HEATR5A: variants seen among roughly 807,000 people sequenced by gnomAD.
The protein encoded by HEATR5A is HEAT repeat containing 5A.
Under a neutral mutation model 218.8 loss-of-function variants are expected in HEATR5A, and 178 were observed. That is an observed-to-expected ratio of 0.81 (90% CI 0.72 to 0.92). The LOEUF (loss-of-function observed/expected upper bound fraction) is 0.92, where lower values mean the gene tolerates loss of function less well. Among genes scored for constraint, HEATR5A ranks in the 40% least tolerant of loss-of-function variants. The pLI, the probability that HEATR5A is intolerant of heterozygous loss-of-function variation, is 0.00. For missense variants in HEATR5A, 2,420 were observed against 2,418.9 expected (o/e 1.00, Z -0.01); for synonymous variants, 864 against 871.6 (o/e 0.99, Z 0.15).
Position 31,350,683 on chromosome 14 carries a change from T to C in HEATR5A, c.2446A>G (p.Lys816Glu), listed in dbSNP as rs898860452. Residue 816 changes from lysine to glutamate, a missense_variant, in exon 17 of 36, where the codon AAG becomes GAG. Lys to Glu is a moderately conservative substitution (Grantham distance 56, BLOSUM62 1). Transcript: ENST00000543095. ...LILEQLLDSI[K>E]HTKGARQQVV... ...TGCTGACGAGCTCCTTTTGTGTGCTTTATACTGTCCAAAAGCTGTTCCAAT... is the reference window on the plus strand; with the variant it reads ...TGCTGACGAGCTCCTTTTGTGTGCTCTATACTGTCCAAAAGCTGTTCCAAT... 1 of 1,599,034 alleles carries C rather than the reference T, an allele frequency of 6.3e-7. No homozygotes were observed. Among genetic ancestry groups the C allele is most frequent in the East Asian group, 2.2e-5 (1 of 44,752 alleles).
At chr14:31,383,807 G>T in intron 9 of HEATR5A, 36 bp from the exon 10 acceptor site, 1 of 1,573,918 alleles carries the variant, frequency 6.4e-7, no homozygotes, top group African/African-American at 1.3e-5. Flanking sequence ...TAGGTACATA[G>T]ATAAAACTCA....
chr14:31,343,395 T>C (rs902141477), intron 21 of HEATR5A, among the ~76,000 whole-genome samples: 2 of 152,188 alleles, frequency 1.3e-5, no homozygotes, highest in African/African-American at 2.4e-5. Context: ...CCAATGACAA[T>C]GAACCACTTC....
At chr14:31,420,205 C>T (rs1423183827) in intron 1 of HEATR5A, 1 of 152,528 alleles carries the variant, frequency 6.6e-6, no homozygotes, top group Non-Finnish European at 1.5e-5. Context: ...GAAGAACGGA[C>T]CACGCTGTTT....
At chr14:31,302,005 G>C (rs899348861) in intron 33 of HEATR5A, among the ~76,000 whole-genome samples, 5 of 150,970 alleles carry the variant, frequency 3.3e-5, no homozygotes, top group African/African-American at 1.2e-4. Flanking sequence ...GCTGATTTTT[G>C]TATTTTTAGT....
At chr14:31,348,192 CATT>C (rs1190614786) in intron 18 of HEATR5A, among the ~76,000 whole-genome samples, 1 of 152,046 alleles carries the variant, frequency 6.6e-6, no homozygotes, top group African/African-American at 2.4e-5. Context: ...TTAAGATAAG[CATT>C]ATTATTACTT....
intron 16 of HEATR5A, among the ~76,000 whole-genome samples, chr14:31,351,337 CA>C (rs1306528245): frequency 6.6e-6 from 1 of 151,662 alleles, no homozygotes; most frequent in Non-Finnish European, 1.5e-5. Flanking sequence ...TACAAGAAAT[CA>C]AAAAGTTAGC....
chr14:31,369,608 C>CAGAAA (rs1555370120), intron 13 of HEATR5A, among the ~76,000 whole-genome samples: 1 of 45,148 alleles, frequency 2.2e-5, no homozygotes, highest in Non-Finnish European at 3.6e-5. Flanking sequence ...AAAACTGTCT[C>CAGAAA]AAAAAAAAAA....
chr14:31,295,864 A>G (rs1226369439), intron 34 of HEATR5A, 45 bp downstream of exon 34: 1 of 1,536,926 alleles, frequency 6.5e-7, no homozygotes, highest in Non-Finnish European at 8.9e-7. Context: ...CTAAAGGCCT[A>G]GCCATTGTCC....
intron 28 of HEATR5A, 119 bp downstream of exon 28, chr14:31,312,849 A>G (rs923216622): frequency 2.9e-5 from 24 of 840,348 alleles, no homozygotes; most frequent in Admixed American, 7.7e-5. Flanking sequence ...AGTGAGCCAA[A>G]ATTGCACCAT....
chr14:31,360,050 TAA>T (rs56352246), intron 14 of HEATR5A, among the ~76,000 whole-genome samples: 497 of 146,760 alleles, frequency 3.4e-3, no homozygotes, highest in East Asian at 0.012. Context: ...TCTCATGTTG[TAA>T]AAAAAAAAAA....
At chr14:31,307,122 C>T (rs1463372946) in intron 30 of HEATR5A, among the ~76,000 whole-genome samples, 1 of 152,116 alleles carries the variant, frequency 6.6e-6, no homozygotes, top group Non-Finnish European at 1.5e-5. Context: ...GCCAGGAGTT[C>T]GAGATCAAGC....
chr14:31,348,911 T>G (rs921550438), intron 18 of HEATR5A, among the ~76,000 whole-genome samples: 7 of 152,212 alleles, frequency 4.6e-5, no homozygotes, highest in African/African-American at 1.7e-4. Flanking sequence ...CTAATATAAC[T>G]TATTATACAT....
chr14:31,414,448 A>G (rs2031381432), intron 1 of HEATR5A, among the ~76,000 whole-genome samples: 1 of 152,214 alleles, frequency 6.6e-6, no homozygotes, highest in Non-Finnish European at 1.5e-5. Context: ...GAGCAAACCC[A>G]CTAAGAGCAG....
intron 13 of HEATR5A, among the ~76,000 whole-genome samples, chr14:31,369,025 T>C (rs1404792196): frequency 1.3e-5 from 2 of 152,178 alleles, no homozygotes; most frequent in Non-Finnish European, 2.9e-5. Flanking sequence ...AGGCCAGGCA[T>C]GGTGACTCAC....
At chr14:31,388,723 A>G in intron 7 of HEATR5A, 122 bp downstream of exon 7, 2 of 687,944 alleles carry the variant, frequency 2.9e-6, no homozygotes, top group Non-Finnish European at 4.8e-6. Context: ...ATTTATATCT[A>G]TTTATAGATA....
intron 33 of HEATR5A, among the ~76,000 whole-genome samples, chr14:31,298,581 C>A (rs1435871551): frequency 6.6e-6 from 1 of 152,166 alleles, no homozygotes; most frequent in Non-Finnish European, 1.5e-5. Context: ...CAGGAGTGAG[C>A]CACACTGGCC....
intron 33 of HEATR5A, among the ~76,000 whole-genome samples, chr14:31,298,389 C>T (rs1046433186): frequency 1.3e-5 from 2 of 152,292 alleles, no homozygotes; most frequent in Non-Finnish European, 2.9e-5. Flanking sequence ...CCAAAAACAA[C>T]AACAACAAAA....
At chr14:31,340,988 G>A (rs1167271403) in intron 21 of HEATR5A, among the ~76,000 whole-genome samples, 1 of 152,194 alleles carries the variant, frequency 6.6e-6, no homozygotes, top group Non-Finnish European at 1.5e-5. Context: ...GCAGTTAAAG[G>A]AAAATACTTC....
chr14:31,354,635 T>A (rs1490971021), intron 16 of HEATR5A, among the ~76,000 whole-genome samples: 1 of 152,182 alleles, frequency 6.6e-6, no homozygotes, highest in East Asian at 1.9e-4. Flanking sequence ...AAATGATAGG[T>A]ACTAAAAGTT....
Sources: gnomAD v4.1 joint callset for allele counts (sites outside exome capture counted in the v4.1 genomes callset) on GRCh38, gnomAD v4.1.1 for gene constraint, MANE v1.5 for transcripts, NCBI Gene and HGNC (gene_info 2026-07-23, HGNC 2026-07-21) for gene names.